The following GK5 variants were observed in gnomAD, a reference collection of about 807,000 sequenced individuals.
GK5 encodes ATP:glycerol 3-phosphotransferase 5.
GK5 carries 39 observed loss-of-function variants against 77.3 expected under a neutral mutation model. The ratio of observed to expected loss-of-function variants is 0.50; its 90% CI spans 0.39 to 0.66. The LOEUF (loss-of-function observed/expected upper bound fraction) is 0.66, where lower values mean the gene tolerates loss of function less well. Ranked by LOEUF, GK5 falls within the 30% of genes least tolerant of loss-of-function variation. The pLI is 0.00. For missense variants in GK5, 487 were observed against 633.8 expected, an observed-to-expected ratio of 0.77 and a Z score of 2.49; for synonymous variants, 211 against 208.0, an observed-to-expected ratio of 1.01 and a Z score of -0.13.
At chr3:142,189,858 G>C (rs1347627585) in intron 5 of GK5, among the ~76,000 whole-genome samples, 1 of 152,192 alleles carries the variant, frequency 6.6e-6, no homozygotes, top group East Asian at 1.9e-4. Context: ...ATCTTATCTA[G>C]AGCAAGACAG....
In GK5 at chr3:142,206,805, G is replaced by A. The variant is rs569302070; in HGVS notation, c.318-2017C>T. Among the ~76,000 whole-genome samples, 7 of 152,240 alleles carry A rather than the reference G, an allele frequency of 4.6e-5. No individual in the cohort carries two copies. The East Asian group carries it at 5.8e-4, about 13-fold the overall frequency. On this transcript the variant is annotated intron_variant, in intron 3 of 15. Coordinates refer to ENST00000392993, the MANE Select transcript of GK5 (RefSeq NM_001039547.3). ...AAAATCTTTGGGAGGATCCACTATC[G>A]TTAATTTTGTTCTGTGTATAATTTG...
chr3:142,186,599 A>G, intron 6 of GK5, 86 bp from the exon 7 acceptor site: 1 of 516,890 alleles, frequency 1.9e-6, no homozygotes, highest in Non-Finnish European at 3.3e-6. Flanking sequence ...ACCTTTGTCT[A>G]CCCTCAAATT....
intron 6 of GK5, among the ~76,000 whole-genome samples, chr3:142,187,503 G>A (rs1219393886): frequency 1.3e-5 from 2 of 151,904 alleles, no homozygotes; most frequent in Non-Finnish European, 2.9e-5. Context: ...CACTCAGGGG[G>A]CTGAAGCGGG....
intron 5 of GK5, among the ~76,000 whole-genome samples, chr3:142,191,462 G>T (rs537209013): frequency 6.6e-6 from 1 of 152,150 alleles, no homozygotes; most frequent in East Asian, 1.9e-4. Context: ...CCAGCACTTT[G>T]GGAGGCCAAG....
rs762169992 is a variant in GK5 at position 142,171,415 on chromosome 3, A to T, written c.1307+4T>A. On this transcript the variant is annotated splice_donor_region_variant and intron_variant, in intron 14 of 15. Transcript: ENST00000392993. ...TAAGTCTATTAGAAATAAACTTTACATACCGGATTTTTCTTACAGGAATAT... is the reference window on the plus strand; with the variant it reads ...TAAGTCTATTAGAAATAAACTTTACTTACCGGATTTTTCTTACAGGAATAT... 2.7e-6 allele frequency: 4 copies of T among 1,480,108 alleles called. No individual in the cohort carries two copies. The South Asian group carries it at 5.0e-5, about 19-fold the overall frequency. 91.7% of individuals were successfully genotyped at this position (1,480,108 alleles called of 1,614,324 possible). A position where few individuals can be genotyped will look rare whatever the true frequency, so the allele number is the denominator to read the frequency against.
chr3:142,166,676 G>C (rs1380162331), intron 15 of GK5, among the ~76,000 whole-genome samples: 2 of 152,108 alleles, frequency 1.3e-5, no homozygotes, highest in African/African-American at 4.8e-5. Context: ...TCGGACCATA[G>C]GCACGTGCCA....
intron 3 of GK5, among the ~76,000 whole-genome samples, chr3:142,205,513 C>G (rs1337048171): frequency 6.6e-6 from 1 of 152,188 alleles, no homozygotes; most frequent in Non-Finnish European, 1.5e-5. Flanking sequence ...GTCTACCACT[C>G]AAAGTCTAAT....
At chr3:142,223,466 T>C (rs1051949120) in intron 1 of GK5, among the ~76,000 whole-genome samples, 1 of 152,120 alleles carries the variant, frequency 6.6e-6, no homozygotes, top group Admixed American at 6.6e-5. Context: ...TGTGGGTGGG[T>C]GGGCAGTGTT....
At chr3:142,214,839 G>C (rs1292873344) in intron 2 of GK5, among the ~76,000 whole-genome samples, 1 of 152,140 alleles carries the variant, frequency 6.6e-6, no homozygotes. Flanking sequence ...GGTTATAGGA[G>C]AAAATACTCC....
Position 142,186,268 on chromosome 3 carries a change from C to G in GK5, c.682-1G>C. ...AGGTAATCATCCCACTCCAACACAT[C>G]TGAGCATAAAAACGTATCATCAGAA... On this transcript the variant is annotated splice_acceptor_variant, in intron 7 of 15. Transcript: ENST00000392993. LOFTEE classifies it high-confidence loss of function. 1 of 1,595,118 alleles carries G rather than the reference C, an allele frequency of 6.3e-7. No homozygotes were observed. Among genetic ancestry groups the G allele is most frequent in the Non-Finnish European group, 8.6e-7 (1 of 1,163,400 alleles).
Position 142,172,343 on chromosome 3 carries a change from GT to G in GK5, c.1247+9del, listed in dbSNP as rs1306049260. 3 of 1,459,578 alleles carry G rather than the reference GT, an allele frequency of 2.1e-6. No homozygotes were observed. The highest frequency in any genetic ancestry group is 3.4e-5 in the Admixed American group (2 of 58,902). 90.4% of individuals were successfully genotyped at this position (1,459,578 alleles called of 1,614,324 possible). A position where few individuals can be genotyped will look rare whatever the true frequency, so the allele number is the denominator to read the frequency against. On this transcript the variant is annotated intron_variant, in intron 13 of 15. Coordinates refer to ENST00000392993, the MANE Select transcript of GK5 (RefSeq NM_001039547.3). ...ATGGGGAAGGGGAAGTTTAGGGCAG[GT>G]TTTCATACCTGAAAGCTATTGACTC...
rs1238508046 is a variant in GK5 at position 142,165,015 on chromosome 3, G to A, written c.*607C>T. ...GGTTGAACAAGGAAAAATTAAGGCAGTGTCTTTAAGACCAGTAAAGGAAAG... is the reference window on the plus strand; with the variant it reads ...GGTTGAACAAGGAAAAATTAAGGCAATGTCTTTAAGACCAGTAAAGGAAAG... On this transcript the variant is annotated 3_prime_UTR_variant, in exon 16 of 16. Transcript: ENST00000392993. 1 of 152,620 alleles carries A rather than the reference G, an allele frequency of 6.6e-6. No homozygotes were observed. The highest frequency in any genetic ancestry group is 1.5e-5 in the Non-Finnish European group (1 of 68,030). 9.5% of individuals were successfully genotyped at this position (152,620 alleles called of 1,614,324 possible). A position where few individuals can be genotyped will look rare whatever the true frequency, so the allele number is the denominator to read the frequency against.
intron 14 of GK5, 125 bp downstream of exon 14, chr3:142,171,294 T>C (rs1158076690): frequency 1.1e-6 from 1 of 895,894 alleles, no homozygotes; most frequent in Non-Finnish European, 1.5e-6. Context: ...AAATTATTTT[T>C]GAAATCCTCA....
chr3:142,167,376 A>G (rs1328610790), intron 15 of GK5, among the ~76,000 whole-genome samples: 1 of 151,662 alleles, frequency 6.6e-6, no homozygotes, highest in East Asian at 1.9e-4. Flanking sequence ...TCCATCTCAA[A>G]AAAAAAAAAT....
rs192954401 is a variant in GK5, at chr3:142,176,809, G to A, written c.1143+673C>T. 1.1e-3 allele frequency among the ~76,000 whole-genome samples: 162 copies of A among 151,848 alleles called. 1 individual carries two copies. The highest frequency in any genetic ancestry group is 7.2e-3 in the East Asian group (37 of 5,132). ...CCTGAGTAGCTTGGACTACAGGCAC[G>A]TGCCACTATGCATGGCTAATTTTTT... On this transcript the variant is annotated intron_variant, in intron 12 of 15. Transcript: ENST00000392993.
At chr3:142,215,781 A>G in intron 1 of GK5, 89 bp from the exon 2 acceptor site, 1 of 612,828 alleles carries the variant, frequency 1.6e-6, no homozygotes, top group Non-Finnish European at 2.9e-6. Flanking sequence ...GGTTAAAATA[A>G]TTAACATGAT....
intron 5 of GK5, among the ~76,000 whole-genome samples, chr3:142,189,692 C>T (rs2063822162): frequency 6.6e-6 from 1 of 152,188 alleles, no homozygotes; most frequent in Non-Finnish European, 1.5e-5. Context: ...CAACCCCCCT[C>T]ACGTTGGCTA....
intron 1 of GK5, among the ~76,000 whole-genome samples, chr3:142,222,877 A>C (rs1282412183): frequency 1.3e-5 from 2 of 152,236 alleles, no homozygotes; most frequent in African/African-American, 2.4e-5. Flanking sequence ...AAGTTGCTAC[A>C]CAAGTTTCTA....
In GK5 at chr3:142,225,402, G is replaced by T; in HGVS notation, c.54C>A (p.Pro18=). The change falls in exon 1 of 16, where the codon CCC becomes CCA. Residue 18 remains proline (P), a synonymous_variant. Transcript: ENST00000392993. ...CCACATCCAGCCCCAGCACGAAGCC[G>T]GGGTACCGCGGCTCCTGCGCTCTCT... ...PEQRAQEPRY[P]GFVLGLDVGS... is the part of the protein sequence containing the mutation. 1 of 1,599,486 alleles carries T rather than the reference G, an allele frequency of 6.3e-7. No individual in the cohort carries two copies. Among genetic ancestry groups the T allele is most frequent in the East Asian group, 2.3e-5 (1 of 44,314 alleles).
Sources: allele counts gnomAD v4.1 joint callset (sites outside exome capture counted in the v4.1 genomes callset), GRCh38; gene constraint gnomAD v4.1.1; transcripts MANE v1.5; gene names NCBI Gene and HGNC (gene_info 2026-07-23, HGNC 2026-07-21).